The following PLEC variants were observed in gnomAD, a reference collection of about 807,000 sequenced individuals.
The protein encoded by PLEC is hemidesmosomal protein 1.
A neutral mutation model predicts 392.8 loss-of-function variants in PLEC; 216 were observed. That is an observed-to-expected ratio of 0.55 (90% CI 0.49 to 0.62). The LOEUF (loss-of-function observed/expected upper bound fraction) is 0.62. Ranked by LOEUF, PLEC falls within the 20% of genes least tolerant of loss-of-function variation. The pLI, the probability that PLEC is intolerant of heterozygous loss-of-function variation, is 0.00. For missense variants in PLEC, 6,863 were observed against 6,563.4 expected, an observed-to-expected ratio of 1.05 and a Z score of -1.58; for synonymous variants, 3,621 against 2,980.6, an observed-to-expected ratio of 1.21 and a Z score of -7.00.
In PLEC at chr8:143,924,566, C is replaced by T. The variant is rs782315395; in HGVS notation, c.5363G>A (p.Arg1788Lys). 32 of 1,548,942 alleles carry T rather than the reference C, an allele frequency of 2.1e-5. No homozygotes were observed. Among genetic ancestry groups the T allele is most frequent in the Non-Finnish European group, 2.6e-5 (30 of 1,154,582 alleles). Residue 1788 changes from arginine to lysine, a missense_variant, in exon 31 of 32, where the codon AGG (arginine) becomes AAG (lysine). Physicochemically the swap from Arg to Lys is conservative, Grantham distance 26. Transcript: ENST00000345136. ...SRSTSEKSKQ[R>K]LEAEAGRFRE... ...GAACCGGCCGGCCTCGGCCTCCAGCCTCTGCTTGGACTTCTCGCTGGTGGA... is the reference window on the plus strand; with the variant it reads ...GAACCGGCCGGCCTCGGCCTCCAGCTTCTGCTTGGACTTCTCGCTGGTGGA...
At chr8:143,968,063 G>A (rs1587417250) in intron 1 of PLEC, among the ~76,000 whole-genome samples, 1 of 151,952 alleles carries the variant, frequency 6.6e-6, no homozygotes. Flanking sequence ...AGGAGGCAGA[G>A]GTTGCAATGA....
rs1554668995 is a variant in PLEC, at chr8:143,916,410, T to A, written c.13411A>T (p.Thr4471Ser). Reference sequence around the variant, plus strand: ...CTGTAGGGGCTGTAGTAGCCCTTGGTGGACTGCGCGGCAGCCTCCAGCAGC... The same window carrying A: ...CTGTAGGGGCTGTAGTAGCCCTTGGAGGACTGCGCGGCAGCCTCCAGCAGC... ...LRLLEAAAQS[T>S]KGYYSPYSVS... Residue 4471 changes from threonine (T) to serine (S), a missense_variant, in exon 32 of 32, where the codon ACC becomes TCC. Thr to Ser is a moderately conservative substitution (Grantham distance 58, BLOSUM62 1). Transcript: ENST00000345136. The A allele has an allele frequency of 6.2e-7, 1 of 1,611,342 alleles. No homozygotes were observed. The highest frequency in any genetic ancestry group is 8.5e-7 in the Non-Finnish European group (1 of 1,179,356).
At position 143,927,439 on chromosome 8, in the gene PLEC, C is replaced by T. The variant is rs782230205; in HGVS notation, c.3727G>A (p.Ala1243Thr). ...IQAMPLADSQ[A>T]VREQLRQEQA... ...TCCTGCCGCAGCTGCTCCCGCACAGCCTGGCTGTCGGCCAGCGGCATGGCC... is the reference window on the plus strand; with the variant it reads ...TCCTGCCGCAGCTGCTCCCGCACAGTCTGGCTGTCGGCCAGCGGCATGGCC... The change falls in exon 27 of 32, where the codon GCT becomes ACT. Residue 1243 changes from alanine to threonine, a missense_variant. Coordinates refer to ENST00000345136, the MANE Select transcript of PLEC (RefSeq NM_201384.3). 1.2e-6 allele frequency: 2 copies of T among 1,600,282 alleles called. No homozygotes were observed. The highest frequency in any genetic ancestry group is 1.7e-5 in the Admixed American group (1 of 59,850).
At position 143,925,140 on chromosome 8, in the gene PLEC, G is replaced by A; in HGVS notation, c.4789C>T (p.Gln1597Ter). 6.4e-7 allele frequency: 1 copy of A among 1,558,262 alleles called. No individual in the cohort carries two copies. Among genetic ancestry groups the A allele is most frequent in the Non-Finnish European group, 8.6e-7 (1 of 1,160,000 alleles). The change falls in exon 31 of 32, where the codon CAG (glutamine) becomes TAG (stop). Residue 1597 changes from glutamine (Q) to a stop codon, truncating the protein, a stop_gained. Transcript: ENST00000345136. LOFTEE classifies it high-confidence loss of function. ...EKTAQLERSL[Q>*]EEHVAVAQLR... ...TGTGCCACAGCCACGTGTTCCTCCT[G>A]CAGGGAGCGCTCCAGCTGTGCCGTC...
rs1554668978 is a variant in PLEC, at chr8:143,916,402, G to A, written c.13419C>T (p.Gly4473=). The change falls in exon 32 of 32, where the codon GGC becomes GGT. Residue 4473 remains glycine, a synonymous_variant. Transcript: ENST00000345136. The part of the protein sequence containing the change: ...LLEAAAQSTK[G]YYSPYSVSGS... ...CGCTGACGCTGTAGGGGCTGTAGTA[G>A]CCCTTGGTGGACTGCGCGGCAGCCT... 1 of 1,611,340 alleles carries A rather than the reference G, an allele frequency of 6.2e-7. No individual in the cohort carries two copies. Among genetic ancestry groups the A allele is most frequent in the Admixed American group, 1.7e-5 (1 of 59,974 alleles).
At position 143,918,417 on chromosome 8, in the gene PLEC, C is replaced by G; in HGVS notation, c.11404G>C (p.Ala3802Pro). The G allele has an allele frequency of 6.4e-7, 1 of 1,573,020 alleles. No homozygotes were observed. Reference protein sequence around the residue: ...PTEEALRLLDAQLATGGIVDP... With the variant: ...PTEEALRLLDPQLATGGIVDP... ...ACGATGCCGCCGGTGGCCAGCTGGGCATCCAGCAGCCGCAGGGCCTCCTCA... is the reference window on the plus strand; with the variant it reads ...ACGATGCCGCCGGTGGCCAGCTGGGGATCCAGCAGCCGCAGGGCCTCCTCA... The change falls in exon 32 of 32, where the codon GCC becomes CCC. Residue 3802 changes from alanine to proline, a missense_variant. Transcript: ENST00000345136.
At chr8:143,931,762 G>A in intron 18 of PLEC, 103 bp from the exon 19 acceptor site, 1 of 1,535,380 alleles carries the variant, frequency 6.5e-7, no homozygotes, top group Middle Eastern at 2.2e-4. Flanking sequence ...GGAAGGAGTG[G>A]CAAAGCCCCC....
chr8:143,943,629 TACACTGCAGGGTGGGGTGGAGGGGCA>T (rs1451608989), upstream of PLEC: 10 of 726,484 alleles, frequency 1.4e-5, no homozygotes, highest in Non-Finnish European at 2.4e-5. Context: ...GGTCAGGGTC[TACACTGCAGGGTGGGGTGGAGGGGCA>T]ACACTGCTTT....
intron 1 of PLEC, among the ~76,000 whole-genome samples, chr8:143,964,601 C>G (rs891901797): frequency 6.6e-6 from 1 of 152,134 alleles, no homozygotes; most frequent in Non-Finnish European, 1.5e-5. Flanking sequence ...CCTCCAGAAC[C>G]GTAAGAGAAT....
intron 1 of PLEC, among the ~76,000 whole-genome samples, chr8:143,960,086 C>A (rs1832800791): frequency 6.6e-6 from 1 of 152,096 alleles, no homozygotes; most frequent in Non-Finnish European, 1.5e-5. Flanking sequence ...AGTTCGAGAC[C>A]AGCCTGACCA....
rs1554674230 is a variant in PLEC at position 143,918,175 on chromosome 8, C to T, written c.11646G>A (p.Lys3882=). ...GCTTCCGCAGGCCACGGAAGGTCAG[C>T]TTGCGGGCGTCCGACAGTGGCAGGA... ...QLLLPLSDAR[K]LTFRGLRKQI... Residue 3882 remains lysine, a synonymous_variant, in exon 32 of 32, where the codon AAG becomes AAA. Transcript: ENST00000345136. The T allele has an allele frequency of 1.9e-6, 3 of 1,594,288 alleles. No individual in the cohort carries two copies. The highest frequency in any genetic ancestry group is 2.5e-6 in the Non-Finnish European group (3 of 1,176,502).
At chr8:143,959,289 G>T (rs1554740099) in intron 1 of PLEC, among the ~76,000 whole-genome samples, 1 of 152,228 alleles carries the variant, frequency 6.6e-6, no homozygotes, top group Non-Finnish European at 1.5e-5. Flanking sequence ...TTCAAACGCA[G>T]TTAAAAGACC....
chr8:143,960,948 G>A (rs28409207), intron 1 of PLEC, among the ~76,000 whole-genome samples: 3,147 of 152,342 alleles, frequency 0.021, 46 homozygotes, highest in Non-Finnish European at 0.033. Context: ...CACAGCTGGA[G>A]GCCTCCCGCT....
upstream of PLEC, among the ~76,000 whole-genome samples, chr8:143,951,930 A>G (rs1316106710): frequency 1.3e-5 from 2 of 151,398 alleles, no homozygotes; most frequent in Non-Finnish European, 3.0e-5. Flanking sequence ...ACCGCACCCA[A>G]CACTCCCACT....
At chr8:143,939,617 T>A (rs1199109918), upstream of PLEC, 6 of 1,469,016 alleles carry the variant, frequency 4.1e-6, no homozygotes, top group Admixed American at 4.3e-5. Flanking sequence ...GGCCACTCCC[T>A]GCCTGCTGTA....
rs782293782 is a variant in PLEC, at chr8:143,973,476, G to A, written c.-4C>T. 4 of 1,508,032 alleles carry A rather than the reference G, an allele frequency of 2.7e-6. No homozygotes were observed. The highest frequency in any genetic ancestry group is 1.5e-5 in the African/African-American group (1 of 68,486). 93.4% of individuals were successfully genotyped at this position (1,508,032 alleles called of 1,614,324 possible). A position where few individuals can be genotyped will look rare whatever the true frequency, so the allele number is the denominator to read the frequency against. ...CGTCGGGCAGCGGGCCGGCCATGCC[G>A]GCGGGCGCGGGGCGCGGGGTGCAGC... On this transcript the variant is annotated 5_prime_UTR_variant, in exon 1 of 32. Coordinates refer to the PLEC transcript ENST00000356346. The surrounding 1 kb of genome is among the most constrained non-coding windows in gnomAD (Gnocchi z 5.6).
At chr8:143,934,282 CG>C in intron 11 of PLEC, 35 bp downstream of exon 11, 1 of 1,609,890 alleles carries the variant, frequency 6.2e-7, no homozygotes, top group Non-Finnish European at 8.5e-7. Context: ...GACACACCCT[CG>C]GGTGGTTCCC....
intron 3 of PLEC, 105 bp from the exon 4 acceptor site, chr8:143,937,347 G>T: frequency 1.2e-6 from 1 of 820,142 alleles, no homozygotes; most frequent in Non-Finnish European, 2.0e-6. Flanking sequence ...GTCTTCCCCA[G>T]GGGGCAGCAG....
upstream of PLEC, among the ~76,000 whole-genome samples, chr8:143,951,749 T>A (rs999048412): frequency 1.1e-4 from 16 of 151,990 alleles, no homozygotes; most frequent in African/African-American, 3.4e-4. Context: ...GCAGGCCAGA[T>A]GGATGGCTGC....
Sources: allele counts gnomAD v4.1 joint callset (sites outside exome capture counted in the v4.1 genomes callset), GRCh38; gene constraint gnomAD v4.1.1; non-coding constraint Gnocchi (gnomAD v3.1); transcripts MANE v1.5; gene names NCBI Gene and HGNC (gene_info 2026-07-23, HGNC 2026-07-21).